Variants in LRRC4C observed in about 807,000 individuals in gnomAD.
The protein encoded by LRRC4C is leucine-rich repeat-containing protein 4C.
LRRC4C carries 5 observed loss-of-function variants against 33.6 expected under a neutral mutation model. The observed-to-expected ratio is 0.15, with a 90% CI of 0.08 to 0.31. LRRC4C has a LOEUF of 0.31. Among genes scored for constraint, LRRC4C ranks in the 10% least tolerant of loss-of-function variants. The pLI is 1.00. For synonymous variants in LRRC4C, 329 were observed against 302.0 expected, an observed-to-expected ratio of 1.09 and a Z score of -0.93; for missense variants, 560 against 796.7, an observed-to-expected ratio of 0.70 and a Z score of 3.58.
At chr11:40,156,641 CA>C (rs1858715574) in intron 5 of LRRC4C, among the ~76,000 whole-genome samples, 2 of 151,510 alleles carry the variant, frequency 1.3e-5, no homozygotes, top group Non-Finnish European at 1.5e-5. Flanking sequence ...GAAACAAAAA[CA>C]AAAACCCAAG....
At chr11:40,677,344 C>T (rs1304820634) in intron 2 of LRRC4C, among the ~76,000 whole-genome samples, 12 of 152,096 alleles carry the variant, frequency 7.9e-5, no homozygotes, top group Admixed American at 7.9e-4. Context: ...CAAAATCGCA[C>T]CACAGCACTC....
chr11:40,372,924 A>AT (rs927810307), intron 3 of LRRC4C, among the ~76,000 whole-genome samples: 30 of 151,812 alleles, frequency 2.0e-4, no homozygotes, highest in Non-Finnish European at 3.4e-4. Context: ...ATAATTTGGG[A>AT]TTTTTTTTTA....
At chr11:40,370,715 T>C (rs1249448494) in intron 3 of LRRC4C, among the ~76,000 whole-genome samples, 1 of 152,158 alleles carries the variant, frequency 6.6e-6, no homozygotes, top group Non-Finnish European at 1.5e-5. Flanking sequence ...GTAAAACATT[T>C]TAGTAAAATC....
chr11:41,450,323 G>C (rs2138635450), intron 1 of LRRC4C, among the ~76,000 whole-genome samples: 1 of 152,078 alleles, frequency 6.6e-6, no homozygotes, highest in Non-Finnish European at 1.5e-5. Flanking sequence ...ATTGGTAAAA[G>C]AGAAAAAGGA....
At chr11:41,355,531 T>A (rs1952130144) in intron 1 of LRRC4C, among the ~76,000 whole-genome samples, 1 of 152,102 alleles carries the variant, frequency 6.6e-6, no homozygotes, top group Admixed American at 6.6e-5. Flanking sequence ...TCTTCCCAAT[T>A]TGTATATATA....
chr11:40,589,813 T>G (rs1366944778), intron 3 of LRRC4C, among the ~76,000 whole-genome samples: 4 of 149,856 alleles, frequency 2.7e-5, no homozygotes, highest in Non-Finnish European at 4.5e-5. Context: ...GCCCCCACTC[T>G]CTTCTGGCTT....
At chr11:40,320,394 G>A (rs547869151) in intron 3 of LRRC4C, among the ~76,000 whole-genome samples, 6 of 151,884 alleles carry the variant, frequency 4.0e-5, no homozygotes, top group Non-Finnish European at 7.4e-5. Flanking sequence ...AGTCCCAGCT[G>A]CTCGGGAGGC....
In LRRC4C at chr11:40,891,882, T is replaced by A. The variant is rs1955723345; in HGVS notation, c.-407+41753A>T. On this transcript the variant is annotated intron_variant, in intron 2 of 6. Transcript: ENST00000528697. ...TGGGCGTGGTGGCTCACACCTATAA[T>A]CCCAGCACTTTGGGAGGCCAAGGTG... Among the ~76,000 whole-genome samples, 4 of 152,200 alleles carry A rather than the reference T, an allele frequency of 2.6e-5. No individual in the cohort carries two copies. In the South Asian group the frequency reaches 8.3e-4, roughly 32 times the overall value.
intron 2 of LRRC4C, among the ~76,000 whole-genome samples, chr11:40,786,736 A>G (rs1411037028): frequency 6.6e-6 from 1 of 152,108 alleles, no homozygotes; most frequent in Non-Finnish European, 1.5e-5. Flanking sequence ...CCTCTACCCT[A>G]TAATCTTCAT....
intron 3 of LRRC4C, among the ~76,000 whole-genome samples, chr11:40,347,024 G>C (rs1457791020): frequency 6.6e-6 from 1 of 152,190 alleles, no homozygotes; most frequent in Non-Finnish European, 1.5e-5. Flanking sequence ...CTCCTAATAA[G>C]AGTCAGCCTG....
chr11:41,054,726 G>A (rs992839654), intron 1 of LRRC4C, among the ~76,000 whole-genome samples: 10 of 152,160 alleles, frequency 6.6e-5, no homozygotes, highest in Non-Finnish European at 1.0e-4. Context: ...CAGGCACTGT[G>A]CTAGGCTGTA....
chr11:40,864,583 C>T (rs1954262876), intron 2 of LRRC4C, among the ~76,000 whole-genome samples: 1 of 152,162 alleles, frequency 6.6e-6, no homozygotes, highest in Non-Finnish European at 1.5e-5. Context: ...CCTTGTATAG[C>T]TAAGGCAAGA....
chr11:40,730,120 C>A (rs377036091), intron 2 of LRRC4C, among the ~76,000 whole-genome samples: 1 of 151,524 alleles, frequency 6.6e-6, no homozygotes, highest in African/African-American at 2.4e-5. Flanking sequence ...TTGGGGGGGG[C>A]AGGGATAGCA....
intron 1 of LRRC4C, among the ~76,000 whole-genome samples, chr11:40,933,941 A>C (rs1316546451): frequency 6.6e-6 from 1 of 152,170 alleles, no homozygotes; most frequent in African/African-American, 2.4e-5. Flanking sequence ...AAATGATGTC[A>C]ATCACAATAT....
At chr11:40,733,651 T>C (rs548459529) in intron 2 of LRRC4C, among the ~76,000 whole-genome samples, 3 of 152,270 alleles carry the variant, frequency 2.0e-5, no homozygotes, top group Admixed American at 1.3e-4. Context: ...GTCCAGTCCT[T>C]TACGCTAGAC....
chr11:40,952,958 C>T (rs1397732109), intron 1 of LRRC4C, among the ~76,000 whole-genome samples: 1 of 150,106 alleles, frequency 6.7e-6, no homozygotes, highest in Non-Finnish European at 1.5e-5. Flanking sequence ...TCTTTGAAAC[C>T]TATTTGGCCC....
intron 1 of LRRC4C, among the ~76,000 whole-genome samples, chr11:41,322,475 C>A (rs1380062018): frequency 6.6e-6 from 1 of 151,900 alleles, no homozygotes; most frequent in African/African-American, 2.4e-5. Flanking sequence ...TTCTCAGTAA[C>A]TTCAATAGTT....
At chr11:40,913,604 T>C (rs1956796842) in intron 2 of LRRC4C, among the ~76,000 whole-genome samples, 1 of 152,006 alleles carries the variant, frequency 6.6e-6, no homozygotes, top group African/African-American at 2.4e-5. Context: ...AGGAAAGATC[T>C]AAAATTGACA....
chr11:40,698,448 A>ATT (rs142743249), intron 2 of LRRC4C, among the ~76,000 whole-genome samples: 4 of 149,038 alleles, frequency 2.7e-5, no homozygotes, highest in African/African-American at 7.4e-5. Flanking sequence ...CAATAAGAGC[A>ATT]TTTTTTTTTT....
Sources: gnomAD v4.1 joint callset for allele counts (sites outside exome capture counted in the v4.1 genomes callset) on GRCh38, gnomAD v4.1.1 for gene constraint, MANE v1.5 for transcripts, NCBI Gene and HGNC (gene_info 2026-07-23, HGNC 2026-07-21) for gene names.